EYA2: variants seen among roughly 807,000 people sequenced by gnomAD.
EYA2 encodes protein phosphatase EYA2.
Under a neutral mutation model 69.2 loss-of-function variants are expected in EYA2, and 31 were observed. That is an observed-to-expected ratio of 0.45 (90% CI 0.34 to 0.60). The LOEUF is 0.60. EYA2 is among the 20% of genes least tolerant of loss of function. The pLI is 0.02. For missense variants in EYA2, 622 were observed against 701.2 expected, an observed-to-expected ratio of 0.89 and a Z score of 1.28; for synonymous variants, 257 against 279.4, an observed-to-expected ratio of 0.92 and a Z score of 0.80.
At chr20:47,012,052 A>G (rs917570695) in intron 4 of EYA2, among the ~76,000 whole-genome samples, 4 of 152,118 alleles carry the variant, frequency 2.6e-5, no homozygotes, top group Non-Finnish European at 4.4e-5. Context: ...ATAAGCTCCA[A>G]CCGCTACAGT....
intron 1 of EYA2, among the ~76,000 whole-genome samples, chr20:46,940,877 G>A (rs1396319024): frequency 1.3e-5 from 2 of 152,190 alleles, no homozygotes; most frequent in Non-Finnish European, 2.9e-5. Context: ...CGGGCAACCC[G>A]CAGAACGGGG....
intron 5 of EYA2, among the ~76,000 whole-genome samples, chr20:47,045,840 G>A (rs1301273999): frequency 6.6e-6 from 1 of 152,102 alleles, no homozygotes; most frequent in African/African-American, 2.4e-5. Flanking sequence ...GTTTGATGAA[G>A]TAGCGGTTTA....
intron 2 of EYA2, among the ~76,000 whole-genome samples, chr20:46,998,935 G>C (rs1209915939): frequency 6.6e-6 from 1 of 152,180 alleles, no homozygotes; most frequent in Non-Finnish European, 1.5e-5. Flanking sequence ...AGGTTGCTGG[G>C]GTGGGAAAGG....
intron 9 of EYA2, among the ~76,000 whole-genome samples, chr20:47,134,942 G>A (rs1376796989): frequency 2.0e-5 from 3 of 151,740 alleles, no homozygotes; most frequent in Non-Finnish European, 2.9e-5. Context: ...CCTGGCTAAC[G>A]TGGTGAAACC....
chr20:47,004,873 G>T, intron 3 of EYA2, 69 bp from the exon 4 acceptor site: 1 of 1,607,614 alleles, frequency 6.2e-7, no homozygotes, highest in Non-Finnish European at 8.5e-7. Context: ...TGGGGGTGTT[G>T]ATATCAAGAT....
chr20:46,954,718 G>A (rs1397259880), intron 1 of EYA2, among the ~76,000 whole-genome samples: 5 of 152,178 alleles, frequency 3.3e-5, no homozygotes, highest in African/African-American at 7.2e-5. Flanking sequence ...GCCACCGATA[G>A]CCACCTCTCC....
At chr20:46,975,789 C>T (rs1226000522) in intron 1 of EYA2, among the ~76,000 whole-genome samples, 2 of 152,212 alleles carry the variant, frequency 1.3e-5, no homozygotes, top group African/African-American at 2.4e-5. Context: ...GTTCTGTGCA[C>T]CTGTAATCCC....
intron 10 of EYA2, among the ~76,000 whole-genome samples, chr20:47,149,427 G>A (rs2033773315): frequency 6.6e-6 from 1 of 151,988 alleles, no homozygotes; most frequent in African/African-American, 2.4e-5. Flanking sequence ...CATGGCGTTT[G>A]GTGGCCCTAA....
chr20:47,111,063 CAT>C (rs2146540349), intron 9 of EYA2, among the ~76,000 whole-genome samples: 1 of 152,350 alleles, frequency 6.6e-6, no homozygotes, highest in Non-Finnish European at 1.5e-5. Flanking sequence ...AATTTTCCTT[CAT>C]AGTTTTAAGG....
chr20:47,185,961 C>G (rs2034631771), intron 15 of EYA2, among the ~76,000 whole-genome samples: 1 of 152,154 alleles, frequency 6.6e-6, no homozygotes, highest in Non-Finnish European at 1.5e-5. Flanking sequence ...ATTCCAAGCT[C>G]AACCTTCCTG....
intron 1 of EYA2, among the ~76,000 whole-genome samples, chr20:46,972,828 G>A (rs1980220627): frequency 6.6e-6 from 1 of 152,206 alleles, no homozygotes; most frequent in Non-Finnish European, 1.5e-5. Context: ...GGTTGGGAGT[G>A]TGCAATGAGG....
intron 1 of EYA2, among the ~76,000 whole-genome samples, chr20:46,946,749 C>T (rs1441888891): frequency 2.6e-5 from 4 of 151,990 alleles, no homozygotes; most frequent in African/African-American, 9.7e-5. Context: ...GAATTTGGCC[C>T]ATGGGCCATA....
chr20:47,021,605 C>T lies in EYA2; in HGVS notation c.415+5308C>T, dbSNP rs138139716. 7.8e-3 allele frequency among the ~76,000 whole-genome samples: 1,043 copies of T among 134,202 alleles called. 9 individuals carry two copies. The highest frequency in any genetic ancestry group is 0.027 in the African/African-American group (964 of 35,246). The allele number at this position is 134,202 out of a possible 152,430, so 88.0% of individuals were successfully genotyped here. On this transcript the variant is annotated intron_variant, in intron 5 of 15. Coordinates refer to ENST00000327619, the MANE Select transcript of EYA2 (RefSeq NM_005244.5). The stretch of plus-strand genomic sequence containing the variant: ...TCACGCCACTGCACTCCAGTCTAGG[C>T]GACAAAGCGAGACTCCATCTCAAAA...
intron 1 of EYA2, among the ~76,000 whole-genome samples, chr20:46,941,530 C>T (rs1384052223): frequency 6.6e-6 from 1 of 152,188 alleles, no homozygotes; most frequent in Non-Finnish European, 1.5e-5. Context: ...GCCTGGACTT[C>T]AGTAAACACT....
chr20:47,108,597 G>C (rs564779476), intron 9 of EYA2, among the ~76,000 whole-genome samples: 1 of 151,940 alleles, frequency 6.6e-6, no homozygotes, highest in African/African-American at 2.4e-5. Context: ...TTAGAGACAG[G>C]GTCTTGCTCT....
chr20:47,092,512 A>G (rs973280298), intron 8 of EYA2, among the ~76,000 whole-genome samples: 1 of 152,152 alleles, frequency 6.6e-6, no homozygotes, highest in African/African-American at 2.4e-5. Flanking sequence ...GAAGTTGCAG[A>G]GCTTCGAAAA....
intron 1 of EYA2, among the ~76,000 whole-genome samples, chr20:46,960,242 C>T (rs1345168736): frequency 1.3e-5 from 2 of 152,130 alleles, no homozygotes; most frequent in East Asian, 3.8e-4. Context: ...TGGACACGGA[C>T]ACTATTATTA....
intron 9 of EYA2, among the ~76,000 whole-genome samples, chr20:47,101,861 T>G (rs1460806163): frequency 1.3e-5 from 2 of 152,198 alleles, no homozygotes; most frequent in African/African-American, 4.8e-5. Flanking sequence ...GGTGGGATAT[T>G]CATGACAGAA....
chr20:47,156,423 G>A (rs1396360731), intron 10 of EYA2, among the ~76,000 whole-genome samples: 4 of 151,630 alleles, frequency 2.6e-5, no homozygotes, highest in South Asian at 2.1e-4. Flanking sequence ...CCTGACGCAG[G>A]AATGGCCAGG....
Sources: gnomAD v4.1 joint callset for allele counts (sites outside exome capture counted in the v4.1 genomes callset) on GRCh38, gnomAD v4.1.1 for gene constraint, MANE v1.5 for transcripts, NCBI Gene and HGNC (gene_info 2026-07-23, HGNC 2026-07-21) for gene names.